The following GNAQ variants were observed in gnomAD, a reference collection of about 807,000 sequenced individuals.
GNAQ encodes the protein guanine nucleotide-binding protein G(q) subunit alpha.
GNAQ carries 8 observed loss-of-function variants against 43.9 expected under a neutral mutation model. The ratio of observed to expected loss-of-function variants is 0.18; its 90% confidence interval spans 0.11 to 0.33. GNAQ has a LOEUF of 0.33. GNAQ is among the 10% of genes least tolerant of loss of function. GNAQ has a pLI of 1.00. For missense variants in GNAQ, 158 were observed against 450.8 expected (o/e 0.35, Z 5.88); for synonymous variants, 155 against 170.7 (o/e 0.91, Z 0.71).
intron 1 of GNAQ, among the ~76,000 whole-genome samples, chr9:78,014,417 C>T (rs1307255827): frequency 2.6e-5 from 4 of 151,982 alleles, no homozygotes; most frequent in African/African-American, 7.2e-5. Flanking sequence ...GAGACCAGCC[C>T]GACCAACATG....
At chr9:77,828,146 G>A (rs758648169) in intron 2 of GNAQ, among the ~76,000 whole-genome samples, 1 of 144,114 alleles carries the variant, frequency 6.9e-6, no homozygotes, top group African/African-American at 2.6e-5. Flanking sequence ...ACAAACCACT[G>A]CAGTTATAGA....
intron 5 of GNAQ, among the ~76,000 whole-genome samples, chr9:77,750,209 C>A (rs1469318534): frequency 6.6e-6 from 1 of 150,522 alleles, no homozygotes; most frequent in Non-Finnish European, 1.5e-5. Context: ...TTGCAAAATT[C>A]TTTCTACCAA....
chr9:77,797,679 A>G, intron 3 of GNAQ, 31 bp from the exon 4 acceptor site: 1 of 1,607,896 alleles, frequency 6.2e-7, no homozygotes. Flanking sequence ...TGAGAATGTC[A>G]GTGACACCAT....
intron 2 of GNAQ, among the ~76,000 whole-genome samples, chr9:77,840,947 CTGA>C (rs1256412105): frequency 6.6e-6 from 1 of 151,954 alleles, no homozygotes; most frequent in Non-Finnish European, 1.5e-5. Flanking sequence ...TAGGCCACTC[CTGA>C]GCACTATACA....
At chr9:77,840,656 C>A (rs1280210704) in intron 2 of GNAQ, among the ~76,000 whole-genome samples, 1 of 151,968 alleles carries the variant, frequency 6.6e-6, no homozygotes, top group Non-Finnish European at 1.5e-5. Flanking sequence ...TGTTTTATAA[C>A]ATATATAACA....
chr9:78,020,433 T>C (rs1823894349), intron 1 of GNAQ, among the ~76,000 whole-genome samples: 1 of 152,120 alleles, frequency 6.6e-6, no homozygotes, highest in African/African-American at 2.4e-5. Flanking sequence ...TTTAACCACC[T>C]CTGGGAACAA....
At chr9:77,892,036 T>C (rs1481049822) in intron 2 of GNAQ, among the ~76,000 whole-genome samples, 1 of 152,174 alleles carries the variant, frequency 6.6e-6, no homozygotes, top group Non-Finnish European at 1.5e-5. Context: ...CCCAGATTGT[T>C]TTTTTGTTTG....
chr9:77,982,742 A>G (rs1475476565), intron 1 of GNAQ, among the ~76,000 whole-genome samples: 1 of 151,896 alleles, frequency 6.6e-6, no homozygotes, highest in African/African-American at 2.4e-5. Flanking sequence ...TTAAAAAAAA[A>G]AAAAAAAAAG....
chr9:77,871,001 T>G (rs1202936444), intron 2 of GNAQ, among the ~76,000 whole-genome samples: 1 of 152,186 alleles, frequency 6.6e-6, no homozygotes, highest in Non-Finnish European at 1.5e-5. Flanking sequence ...TTTAGGGTTA[T>G]AGAAATGTTC....
intron 1 of GNAQ, among the ~76,000 whole-genome samples, chr9:77,950,277 G>A (rs1822959600): frequency 6.6e-6 from 1 of 152,262 alleles, no homozygotes; most frequent in Admixed American, 6.5e-5. Context: ...TCATTTTCTA[G>A]CTGCAGTATG....
intron 2 of GNAQ, among the ~76,000 whole-genome samples, chr9:77,908,752 C>T (rs1025193276): frequency 6.6e-6 from 1 of 152,138 alleles, no homozygotes; most frequent in Non-Finnish European, 1.5e-5. Context: ...TTCATATTGC[C>T]TCTGGTGGCA....
intron 1 of GNAQ, among the ~76,000 whole-genome samples, chr9:77,965,904 T>C (rs919021252): frequency 2.0e-5 from 3 of 151,648 alleles, no homozygotes; most frequent in Non-Finnish European, 4.4e-5. Flanking sequence ...GCAGCTTTAT[T>C]TGTCGTAGCC....
intron 5 of GNAQ, among the ~76,000 whole-genome samples, chr9:77,764,589 G>A (rs1383100972): frequency 6.6e-6 from 1 of 151,896 alleles, no homozygotes; most frequent in Admixed American, 6.6e-5. Context: ...CCGAGTAACT[G>A]GGACTACAGG....
At chr9:77,872,943 G>A (rs1163692805) in intron 2 of GNAQ, among the ~76,000 whole-genome samples, 2 of 152,226 alleles carry the variant, frequency 1.3e-5, no homozygotes, top group African/African-American at 4.8e-5. Flanking sequence ...ACAGAAGGAA[G>A]ATCTGGCTTG....
chr9:77,944,456 C>T (rs1829359492), intron 1 of GNAQ, among the ~76,000 whole-genome samples: 1 of 152,072 alleles, frequency 6.6e-6, no homozygotes, highest in African/African-American at 2.4e-5. Flanking sequence ...CCCATATATC[C>T]TCTTTAGACC....
At chr9:77,927,367 T>C (rs902334837) in intron 1 of GNAQ, among the ~76,000 whole-genome samples, 1 of 152,208 alleles carries the variant, frequency 6.6e-6, no homozygotes, top group Non-Finnish European at 1.5e-5. Flanking sequence ...TCACTTAAAC[T>C]GGCTTCTTGG....
intron 1 of GNAQ, among the ~76,000 whole-genome samples, chr9:77,959,368 A>G (rs1034624987): frequency 1.3e-5 from 2 of 152,126 alleles, no homozygotes; most frequent in African/African-American, 2.4e-5. Context: ...TTTTATTTTT[A>G]TATGTTTTAG....
intron 3 of GNAQ, among the ~76,000 whole-genome samples, chr9:77,808,262 C>A (rs1036371958): frequency 6.6e-6 from 1 of 151,584 alleles, no homozygotes; most frequent in African/African-American, 2.4e-5. Context: ...CATACCTAAG[C>A]CTTATCTTTT....
chr9:78,013,308 A>G (rs944114405), intron 1 of GNAQ, among the ~76,000 whole-genome samples: 1 of 139,674 alleles, frequency 7.2e-6, no homozygotes, highest in East Asian at 2.2e-4. Context: ...TTTTTCTTAC[A>G]AGACTTTTTT....
Sources: gnomAD v4.1 joint callset for allele counts (sites outside exome capture counted in the v4.1 genomes callset) on GRCh38, gnomAD v4.1.1 for gene constraint, MANE v1.5 for transcripts, NCBI Gene and HGNC (gene_info 2026-07-23, HGNC 2026-07-21) for gene names.